The following SS18 variants were observed in gnomAD, a reference collection of about 807,000 sequenced individuals.
SS18 encodes protein SSXT.
In SS18, 28 loss-of-function variants were observed where a neutral mutation model predicts 72.5. The ratio of observed to expected loss-of-function variants is 0.39; its 90% CI spans 0.29 to 0.53. The LOEUF (loss-of-function observed/expected upper bound fraction) is 0.53, where lower values mean the gene tolerates loss of function less well. SS18 is among the 20% of genes least tolerant of loss of function. The pLI, the probability that SS18 is intolerant of heterozygous loss-of-function variation, is 0.76. For synonymous variants in SS18, 172 were observed against 164.2 expected (o/e 1.05, Z -0.37); for missense variants, 518 against 535.3 (o/e 0.97, Z 0.32).
chr18:26,050,812 G>A (rs990544886), intron 5 of SS18, among the ~76,000 whole-genome samples: 2 of 152,142 alleles, frequency 1.3e-5, no homozygotes, highest in African/African-American at 2.4e-5. Context: ...GGGAGGCTGA[G>A]GCAGGAGAAT....
At chr18:26,073,889 G>A (rs1017298071) in intron 3 of SS18, among the ~76,000 whole-genome samples, 1 of 152,286 alleles carries the variant, frequency 6.6e-6, no homozygotes. Flanking sequence ...ATTGTTAACT[G>A]TATTTATCTA....
intron 2 of SS18, among the ~76,000 whole-genome samples, chr18:26,087,023 C>G (rs1370414142): frequency 3.3e-5 from 5 of 152,048 alleles, no homozygotes; most frequent in Non-Finnish European, 7.4e-5. Flanking sequence ...ACACAAATGG[C>G]CATCACCGAT....
chr18:26,030,175 G>GT (rs1361105126), intron 10 of SS18, among the ~76,000 whole-genome samples: 1 of 152,122 alleles, frequency 6.6e-6, no homozygotes, highest in East Asian at 1.9e-4. Context: ...AATACGGCTT[G>GT]TAAGAGCCTT....
intron 5 of SS18, among the ~76,000 whole-genome samples, chr18:26,047,215 G>C (rs1598561191): frequency 6.9e-6 from 1 of 143,980 alleles, no homozygotes; most frequent in South Asian, 2.2e-4. Context: ...GGCACTAACA[G>C]GTACTTACTG....
At chr18:26,057,930 T>C (rs564556891) in intron 3 of SS18, among the ~76,000 whole-genome samples, 188 bp from the exon 4 acceptor site, 12 of 152,362 alleles carry the variant, frequency 7.9e-5, no homozygotes, top group Non-Finnish European at 1.3e-4. Context: ...ATATTTACTT[T>C]ATAAAATCTC....
chr18:26,054,735 C>T, intron 4 of SS18, among the ~76,000 whole-genome samples: 1 of 133,952 alleles, frequency 7.5e-6, no homozygotes, highest in Non-Finnish European at 1.5e-5. Context: ...TAGAGAAAAT[C>T]TCTCTCTCTT....
intron 10 of SS18, among the ~76,000 whole-genome samples, chr18:26,023,167 A>C (rs1403616686): frequency 1.3e-5 from 2 of 152,220 alleles, no homozygotes; most frequent in African/African-American, 4.8e-5. Context: ...CACGCACACA[A>C]AGGACAGAGA....
chr18:26,077,024 T>C (rs1473091004), intron 3 of SS18, among the ~76,000 whole-genome samples: 1 of 151,938 alleles, frequency 6.6e-6, no homozygotes, highest in African/African-American at 2.4e-5. Flanking sequence ...CTTTTTAAAA[T>C]AATTACAGCT....
At chr18:26,053,432 T>G (rs1246941471) in intron 4 of SS18, among the ~76,000 whole-genome samples, 1 of 151,412 alleles carries the variant, frequency 6.6e-6, no homozygotes, top group Non-Finnish European at 1.5e-5. Flanking sequence ...TGGAAGGACC[T>G]TCTTAAGTAT....
In SS18 at chr18:26,087,404, G is replaced by A. The variant is rs996891896; in HGVS notation, c.146+97C>T. 7.1e-6 allele frequency: 5 copies of A among 706,694 alleles called. No homozygotes were observed. The African/African-American group carries it at 9.2e-5, about 13-fold the overall frequency. 43.8% of individuals were successfully genotyped at this position (706,694 alleles called of 1,614,324 possible). A position where few individuals can be genotyped will look rare whatever the true frequency, so the allele number is the denominator to read the frequency against. ...ACACATTAAAATAGGTGAATTGTAT[G>A]GTATGTGAATTATATCTCAATAAAG... On this transcript the variant is annotated intron_variant, in intron 2 of 10. Transcript: ENST00000415083.
chr18:26,039,512 C>T (rs1286926821), intron 5 of SS18, 56 bp from the exon 6 acceptor site: 1 of 1,459,414 alleles, frequency 6.9e-7, no homozygotes, highest in South Asian at 1.5e-5. Context: ...TTTAACATCT[C>T]AAGAGAAATA....
At chr18:26,054,554 T>C (rs982399881) in intron 4 of SS18, among the ~76,000 whole-genome samples, 1 of 151,938 alleles carries the variant, frequency 6.6e-6, no homozygotes, top group Non-Finnish European at 1.5e-5. Flanking sequence ...AAAAAGAACA[T>C]GATAGAGACC....
intron 10 of SS18, among the ~76,000 whole-genome samples, chr18:26,023,293 C>T (rs555464623): frequency 6.6e-6 from 1 of 152,114 alleles, no homozygotes; most frequent in African/African-American, 2.4e-5. Context: ...AGGACAGACA[C>T]GGAAGATATT....
At chr18:26,067,673 T>C (rs994970765) in intron 3 of SS18, among the ~76,000 whole-genome samples, 1 of 151,748 alleles carries the variant, frequency 6.6e-6, no homozygotes. Context: ...AAGAATGGAG[T>C]AGCAGCATTT....
Position 26,082,506 on chromosome 18 carries a change from C to A in SS18, c.147-4346G>T, listed in dbSNP as rs2054543290. The A allele has an allele frequency of 4.1e-6, 4 of 985,138 alleles. No homozygotes were observed. In the African/African-American group the frequency reaches 5.2e-5, roughly 13 times the overall value. 61.0% of individuals were successfully genotyped at this position (985,138 alleles called of 1,614,324 possible). A position where few individuals can be genotyped will look rare whatever the true frequency, so the allele number is the denominator to read the frequency against. On this transcript the variant is annotated intron_variant, in intron 2 of 10. Transcript: ENST00000415083. ...TTTTTGTTGTTTGAAATTTATGCAA[C>A]TCTGGAATAGTTTGGACTCACCCTA...
intron 5 of SS18, among the ~76,000 whole-genome samples, chr18:26,041,426 A>G (rs2143901156): frequency 6.6e-6 from 1 of 151,828 alleles, no homozygotes; most frequent in East Asian, 1.9e-4. Flanking sequence ...CTCTGCCTCA[A>G]AAACCAAAAC....
chr18:26,062,662 T>C (rs2054144794), intron 3 of SS18, among the ~76,000 whole-genome samples: 1 of 151,990 alleles, frequency 6.6e-6, no homozygotes, highest in Non-Finnish European at 1.5e-5. Flanking sequence ...TACTTTAAAG[T>C]CAAGGGAACA....
chr18:26,038,861 T>C (rs1207275023), intron 6 of SS18, among the ~76,000 whole-genome samples: 3 of 152,126 alleles, frequency 2.0e-5, no homozygotes, highest in South Asian at 2.1e-4. Flanking sequence ...CTAAAATCAA[T>C]GTTAAGACCA....
chr18:26,075,808 T>C (rs2054401297), intron 3 of SS18, among the ~76,000 whole-genome samples: 1 of 151,888 alleles, frequency 6.6e-6, no homozygotes, highest in Admixed American at 6.6e-5. Context: ...TCACAAATGA[T>C]ATGATCATGA....
Sources: gnomAD v4.1 joint callset for allele counts (sites outside exome capture counted in the v4.1 genomes callset) on GRCh38, gnomAD v4.1.1 for gene constraint, MANE v1.5 for transcripts, NCBI Gene and HGNC (gene_info 2026-07-23, HGNC 2026-07-21) for gene names.